The following LRRC49 variants were observed in gnomAD, a reference collection of about 807,000 sequenced individuals.
LRRC49 encodes the protein leucine rich repeat containing 49.
In LRRC49, 50 loss-of-function variants were observed where a neutral mutation model predicts 83.3. That is an observed-to-expected ratio of 0.60 (90% CI 0.48 to 0.76). The LOEUF (loss-of-function observed/expected upper bound fraction) is 0.76, where lower values mean the gene tolerates loss of function less well. Among genes scored for constraint, LRRC49 ranks in the 30% least tolerant of loss-of-function variants. The pLI, the probability that LRRC49 is intolerant of heterozygous loss-of-function variation, is 0.00. For missense variants in LRRC49, 704 were observed against 809.1 expected, an observed-to-expected ratio of 0.87 and a Z score of 1.58; for synonymous variants, 286 against 283.3, an observed-to-expected ratio of 1.01 and a Z score of -0.10.
rs542939059 is a variant in LRRC49 at position 70,924,665 on chromosome 15, G to T, written c.711+5472G>T. On this transcript the variant is annotated intron_variant, in intron 7 of 15. Coordinates refer to ENST00000260382, the MANE Select transcript of LRRC49 (RefSeq NM_017691.5). ...TTCCAGTCAGTGCTTATTTGGATTT[G>T]CCCACATGCTTGTTTGGGTTCACCA... 3.2e-4 allele frequency among the ~76,000 whole-genome samples: 48 copies of T among 151,944 alleles called. 1 individual carries two copies. The South Asian group carries it at 9.4e-3, about 30-fold the overall frequency.
chr15:70,902,812 AAT>A (rs1013447198), intron 4 of LRRC49, among the ~76,000 whole-genome samples: 1 of 152,192 alleles, frequency 6.6e-6, no homozygotes, highest in African/African-American at 2.4e-5. Context: ...ATGTATCAGT[AAT>A]GGGGTAGGAT....
intron 8 of LRRC49, among the ~76,000 whole-genome samples, chr15:70,945,424 T>C (rs569938749): frequency 2.0e-4 from 31 of 152,246 alleles, no homozygotes; most frequent in African/African-American, 7.0e-4. Context: ...CAAATTGTCA[T>C]GATTGTATAT....
intron 1 of LRRC49, chr15:70,858,613 CAA>C: frequency 1.9e-6 from 1 of 516,060 alleles, no homozygotes; most frequent in Non-Finnish European, 3.4e-6. Flanking sequence ...CAATTAAAAA[CAA>C]AACAAAACAA....
At chr15:70,969,411 T>C (rs1329695865) in intron 9 of LRRC49, among the ~76,000 whole-genome samples, 2 of 152,216 alleles carry the variant, frequency 1.3e-5, no homozygotes, top group South Asian at 4.1e-4. Context: ...TGAAGTCAGG[T>C]AGCATGATGC....
intron 11 of LRRC49, among the ~76,000 whole-genome samples, chr15:71,007,844 C>T (rs1216820867): frequency 6.6e-6 from 1 of 150,882 alleles, no homozygotes; most frequent in Admixed American, 6.6e-5. Flanking sequence ...GTAGTATACA[C>T]TTTAAAAATT....
At chr15:71,031,175 G>T (rs1487410608) in intron 14 of LRRC49, among the ~76,000 whole-genome samples, 1 of 152,132 alleles carries the variant, frequency 6.6e-6, no homozygotes, top group African/African-American at 2.4e-5. Flanking sequence ...ATGACCTTTG[G>T]ATGGGGTTTT....
intron 7 of LRRC49, among the ~76,000 whole-genome samples, chr15:70,925,588 A>G (rs944830780): frequency 6.6e-6 from 1 of 152,162 alleles, no homozygotes; most frequent in Non-Finnish European, 1.5e-5. Context: ...TGTGTGAACA[A>G]TTCATATTGG....
chr15:70,885,713 A>G (rs2033388477), intron 2 of LRRC49, among the ~76,000 whole-genome samples: 1 of 152,204 alleles, frequency 6.6e-6, no homozygotes, highest in African/African-American at 2.4e-5. Context: ...TAGCTTCAAG[A>G]TATATACCAC....
chr15:70,940,317 C>T (rs1297633508), intron 8 of LRRC49, among the ~76,000 whole-genome samples: 4 of 144,552 alleles, frequency 2.8e-5, no homozygotes, highest in Admixed American at 7.2e-5. Flanking sequence ...AGCGCAGTAG[C>T]GCAATCTCAG....
At chr15:70,918,406 G>A (rs79415580) in intron 6 of LRRC49, 199 of 152,316 alleles carry the variant, frequency 1.3e-3, no homozygotes, top group African/African-American at 4.5e-3. Context: ...AACATTATAT[G>A]TACATGCATA....
At position 70,984,232 on chromosome 15, in the gene LRRC49, C is replaced by T; in HGVS notation, c.1144C>T (p.Leu382Phe). Residue 382 changes from leucine (L) to phenylalanine (F), a missense_variant, in exon 11 of 16, where the codon CTC becomes TTC. Leu to Phe is a conservative substitution (Grantham distance 22). Coordinates refer to ENST00000260382, the MANE Select transcript of LRRC49 (RefSeq NM_017691.5). ...CCCCTGTCAGATTGATGGAAGCACCCTCTCTGCATTCCCAGAGGAAACAGG... is the reference window on the plus strand; with the variant it reads ...CCCCTGTCAGATTGATGGAAGCACCTTCTCTGCATTCCCAGAGGAAACAGG... ...QDPCQIDGST[L>F]SAFPEETGPL... 6.2e-7 allele frequency: 1 copy of T among 1,612,506 alleles called. No homozygotes were observed. The highest frequency in any genetic ancestry group is 8.5e-7 in the Non-Finnish European group (1 of 1,179,138).
intron 7 of LRRC49, among the ~76,000 whole-genome samples, chr15:70,934,903 G>C (rs1363685511): frequency 6.6e-6 from 1 of 152,172 alleles, no homozygotes; most frequent in Non-Finnish European, 1.5e-5. Flanking sequence ...CAGGAATACA[G>C]AGAGGGTTTT....
chr15:70,904,816 A>C (rs990075065), intron 5 of LRRC49, 61 bp downstream of exon 5: 9 of 1,262,342 alleles, frequency 7.1e-6, no homozygotes, highest in Non-Finnish European at 8.9e-6. Context: ...TGTGGAGATG[A>C]CAACTTAGAA....
intron 15 of LRRC49, among the ~76,000 whole-genome samples, chr15:71,037,981 AG>A (rs2039576965): frequency 6.6e-6 from 1 of 152,148 alleles, no homozygotes; most frequent in Non-Finnish European, 1.5e-5. Context: ...TGGAGCTCAT[AG>A]GAAAGCTGAA....
chr15:70,999,353 T>C (rs989820456), intron 11 of LRRC49, among the ~76,000 whole-genome samples: 10 of 152,248 alleles, frequency 6.6e-5, no homozygotes, highest in Admixed American at 3.9e-4. Flanking sequence ...ATTTTTTTAA[T>C]GACTTTCCTA....
upstream of LRRC49, chr15:70,892,140 AC>A (rs778335690): frequency 1.2e-5 from 19 of 1,613,428 alleles, no homozygotes; most frequent in African/African-American, 2.4e-4. Context: ...TTGCCTCCGT[AC>A]CAGTCGGCGC....
chr15:70,857,923 T>G (rs2032691428), intron 1 of LRRC49, among the ~76,000 whole-genome samples: 1 of 152,264 alleles, frequency 6.6e-6, no homozygotes, highest in Non-Finnish European at 1.5e-5. Flanking sequence ...TAAAATGTTC[T>G]GAATGATCCT....
At chr15:70,977,848 A>C (rs1194808566) in intron 9 of LRRC49, among the ~76,000 whole-genome samples, 1 of 152,038 alleles carries the variant, frequency 6.6e-6, no homozygotes, top group Non-Finnish European at 1.5e-5. Flanking sequence ...AAAAAATATG[A>C]ATTTTGTTTC....
intron 1 of LRRC49, chr15:70,859,091 C>A (rs1414089998): frequency 8.0e-6 from 12 of 1,507,382 alleles, no homozygotes; most frequent in African/African-American, 4.1e-5. Context: ...GAGCCTCCTG[C>A]AGCAGCAGAA....
Sources: allele counts gnomAD v4.1 joint callset (sites outside exome capture counted in the v4.1 genomes callset), GRCh38; gene constraint gnomAD v4.1.1; transcripts MANE v1.5; gene names NCBI Gene and HGNC (gene_info 2026-07-23, HGNC 2026-07-21).